HECW2: variants seen among roughly 807,000 people sequenced by gnomAD.
HECW2 encodes E3 ubiquitin-protein ligase HECW2.
HECW2 carries 61 observed loss-of-function variants against 175.2 expected under a neutral mutation model. The observed-to-expected ratio is 0.35, with a 90% CI of 0.28 to 0.43. The LOEUF is 0.43. HECW2 is among the 20% of genes least tolerant of loss of function. The pLI, the probability that HECW2 is intolerant of heterozygous loss-of-function variation, is 1.00. For missense variants in HECW2, 1,524 were observed against 2,000.5 expected (o/e 0.76, Z 4.54); for synonymous variants, 671 against 731.0 (o/e 0.92, Z 1.32).
At chr2:196,502,084 T>C (rs1322633722) in intron 1 of HECW2, among the ~76,000 whole-genome samples, 1 of 152,244 alleles carries the variant, frequency 6.6e-6, no homozygotes, top group Non-Finnish European at 1.5e-5. Flanking sequence ...GTAGTTTTGT[T>C]TATTTTGTAA....
chr2:196,439,950 T>C (rs774020106), intron 1 of HECW2, among the ~76,000 whole-genome samples: 44 of 152,116 alleles, frequency 2.9e-4, no homozygotes, highest in Non-Finnish European at 5.6e-4. Flanking sequence ...GAAGAACACA[T>C]AGACATGATG....
At chr2:196,203,667 C>T (rs1575213811) in intron 28 of HECW2, among the ~76,000 whole-genome samples, 1 of 152,164 alleles carries the variant, frequency 6.6e-6, no homozygotes, top group Non-Finnish European at 1.5e-5. Context: ...ATATGTTCAT[C>T]TCTCTTGCCC....
chr2:196,315,656 A>G (rs915196753), intron 10 of HECW2: 1 of 152,202 alleles, frequency 6.6e-6, no homozygotes, highest in Non-Finnish European at 1.5e-5. Context: ...TGTAAAAAAA[A>G]TTTCCCAAGA....
At chr2:196,375,744 T>A (rs1694034274) in intron 2 of HECW2, among the ~76,000 whole-genome samples, 1 of 152,244 alleles carries the variant, frequency 6.6e-6, no homozygotes, top group African/African-American at 2.4e-5. Flanking sequence ...CAGAGAAACA[T>A]CATCTATTTC....
intron 1 of HECW2, among the ~76,000 whole-genome samples, chr2:196,545,023 G>A (rs1010084013): frequency 9.2e-5 from 14 of 152,330 alleles, no homozygotes; most frequent in South Asian, 2.1e-4. Context: ...GTGAGTGGGC[G>A]TGTGGATGTG....
chr2:196,221,008 C>T, intron 24 of HECW2, 67 bp from the exon 25 acceptor site: 1 of 1,537,118 alleles, frequency 6.5e-7, no homozygotes, highest in Non-Finnish European at 8.9e-7. Flanking sequence ...ACATTACTAG[C>T]ATTGAGCTGA....
At chr2:196,586,092 G>C (rs1690964959) in intron 1 of HECW2, among the ~76,000 whole-genome samples, 1 of 152,002 alleles carries the variant, frequency 6.6e-6, no homozygotes, top group Non-Finnish European at 1.5e-5. Context: ...CTATTACTTT[G>C]AGCTCTTATT....
chr2:196,500,798 T>C (rs1687553696), intron 1 of HECW2, among the ~76,000 whole-genome samples: 1 of 152,224 alleles, frequency 6.6e-6, no homozygotes, highest in African/African-American at 2.4e-5. Flanking sequence ...CCATTTCTTG[T>C]CTGTATTCCC....
At chr2:196,329,949 T>A (rs764283017) in intron 4 of HECW2, among the ~76,000 whole-genome samples, 22 of 152,226 alleles carry the variant, frequency 1.4e-4, no homozygotes, top group Non-Finnish European at 3.1e-4. Context: ...GTAGTAAATA[T>A]ATTACTATTA....
At chr2:196,241,564 A>G (rs553154679) in intron 20 of HECW2, among the ~76,000 whole-genome samples, 225 of 152,306 alleles carry the variant, frequency 1.5e-3, no homozygotes, top group African/African-American at 4.8e-3. Flanking sequence ...TAGGGAATGG[A>G]AACAATTCTA....
At chr2:196,562,271 G>A (rs1285434233) in intron 1 of HECW2, among the ~76,000 whole-genome samples, 1 of 152,100 alleles carries the variant, frequency 6.6e-6, no homozygotes, top group African/African-American at 2.4e-5. Flanking sequence ...AGAAACAATA[G>A]CACAAGTGAT....
intron 2 of HECW2, among the ~76,000 whole-genome samples, chr2:196,432,806 A>T (rs1025753594): frequency 6.6e-6 from 1 of 152,212 alleles, no homozygotes; most frequent in Non-Finnish European, 1.5e-5. Context: ...TCTCTTTCTA[A>T]AATGGGACTG....
At chr2:196,481,771 CA>C (rs1686851421) in intron 1 of HECW2, among the ~76,000 whole-genome samples, 1 of 127,324 alleles carries the variant, frequency 7.9e-6, no homozygotes. Context: ...ATATGGAAGA[CA>C]AACCATGGTC....
intron 2 of HECW2, among the ~76,000 whole-genome samples, chr2:196,396,775 T>C (rs1375515151): frequency 2.0e-5 from 3 of 151,888 alleles, no homozygotes; most frequent in Non-Finnish European, 4.4e-5. Context: ...CAAACTATTG[T>C]CTTGCAAAAA....
At chr2:196,276,084 T>G (rs148583199) in intron 15 of HECW2, among the ~76,000 whole-genome samples, 1 of 152,352 alleles carries the variant, frequency 6.6e-6, no homozygotes, top group South Asian at 2.1e-4. Flanking sequence ...CTTTCTCTCC[T>G]CACAGTATGT....
At chr2:196,469,101 C>CTGTGTGTG (rs150802425) in intron 1 of HECW2, among the ~76,000 whole-genome samples, 11 of 130,780 alleles carry the variant, frequency 8.4e-5, no homozygotes, top group African/African-American at 2.7e-4. Context: ...GTCACTGAAC[C>CTGTGTGTG]TGTGTGTGTG....
chr2:196,302,827 G>T (rs1176024333), intron 13 of HECW2, among the ~76,000 whole-genome samples: 2 of 152,186 alleles, frequency 1.3e-5, no homozygotes, highest in African/African-American at 4.8e-5. Context: ...AGAGGACTGG[G>T]TTTTCTAGAT....
chr2:196,216,829 A>C (rs1039032366), intron 27 of HECW2, among the ~76,000 whole-genome samples, 179 bp downstream of exon 27: 3 of 152,148 alleles, frequency 2.0e-5, no homozygotes, highest in African/African-American at 7.2e-5. Flanking sequence ...GGCTTAGGGA[A>C]GTTCTGAATA....
chr2:196,558,657 G>A (rs1045648972), intron 1 of HECW2, among the ~76,000 whole-genome samples: 1 of 152,200 alleles, frequency 6.6e-6, no homozygotes, highest in African/African-American at 2.4e-5. Flanking sequence ...GTGTAAAATG[G>A]AATATTCTCA....
Sources: gnomAD v4.1 joint callset for allele counts (sites outside exome capture counted in the v4.1 genomes callset) on GRCh38, gnomAD v4.1.1 for gene constraint, MANE v1.5 for transcripts, NCBI Gene and HGNC (gene_info 2026-07-23, HGNC 2026-07-21) for gene names.